RBPJ: variants seen among roughly 807,000 people sequenced by gnomAD.
RBPJ encodes recombining binding protein suppressor of hairless.
In RBPJ, 9 loss-of-function variants were observed where a neutral mutation model predicts 67.8. The ratio of observed to expected loss-of-function variants is 0.13; its 90% confidence interval spans 0.08 to 0.23. RBPJ has a LOEUF of 0.23. RBPJ is among the 10% of genes least tolerant of loss of function. The pLI is 1.00. For synonymous variants in RBPJ, 198 were observed against 203.3 expected (o/e 0.97, Z 0.22); for missense variants, 305 against 595.6 (o/e 0.51, Z 5.08).
At chr4:26,179,433 G>A (rs1716904855) in intron 1 of RBPJ, among the ~76,000 whole-genome samples, 1 of 151,714 alleles carries the variant, frequency 6.6e-6, no homozygotes, top group African/African-American at 2.4e-5. Flanking sequence ...GCTCTGGTGG[G>A]CCCCAGAATC....
chr4:26,319,759 C>A, upstream of RBPJ: 2 of 1,013,544 alleles, frequency 2.0e-6, no homozygotes, highest in Non-Finnish European at 3.1e-6. Flanking sequence ...AATCCTGCAG[C>A]GCCTTCAACA....
chr4:26,430,163 T>G lies in RBPJ; in HGVS notation c.1044+110T>G. The G allele has an allele frequency of 7.7e-7, 1 of 1,291,082 alleles. No homozygotes were observed. The highest frequency in any genetic ancestry group is 1.1e-6 in the Non-Finnish European group (1 of 898,536). 80.0% of individuals were successfully genotyped at this position (1,291,082 alleles called of 1,614,324 possible). ...TTTGATTTTTCTCCAATCGTCTGAT[T>G]AGGGGATTTTTATATACACCATTTG... On this transcript the variant is annotated intron_variant, in intron 9 of 10. Transcript: ENST00000355476. This position sits in a 1 kb window ranked among gnomAD's most constrained non-coding sequence, Gnocchi z 4.1.
chr4:26,287,251 G>T (rs1169746724), intron 1 of RBPJ, among the ~76,000 whole-genome samples: 2 of 151,914 alleles, frequency 1.3e-5, no homozygotes, highest in Admixed American at 1.3e-4. Flanking sequence ...AGAAGAAAGA[G>T]AGAAAAGATT....
Position 26,431,260 on chromosome 4 carries a change from G to A in RBPJ, c.*253G>A, listed in dbSNP as rs541259594. 1 of 353,698 alleles carries A rather than the reference G, an allele frequency of 2.8e-6. No individual in the cohort carries two copies. The highest frequency in any genetic ancestry group is 4.4e-5 in the Admixed American group (1 of 22,836). The allele number at this position is 353,698 out of a possible 1,614,324, so 21.9% of individuals were successfully genotyped here. ...ATATTGGAAATCAAGTTTTTCAGCTGTTTTGTTGGTTGGTTGGTTGGTTTT... is the reference window on the plus strand; with the variant it reads ...ATATTGGAAATCAAGTTTTTCAGCTATTTTGTTGGTTGGTTGGTTGGTTTT... On this transcript the variant is annotated 3_prime_UTR_variant, in exon 11 of 11. Coordinates refer to ENST00000355476, the MANE Select transcript of RBPJ (RefSeq NM_015874.6).
At chr4:26,382,000 T>G (rs1730375942) in intron 1 of RBPJ, among the ~76,000 whole-genome samples, 1 of 152,150 alleles carries the variant, frequency 6.6e-6, no homozygotes, top group African/African-American at 2.4e-5. Context: ...ATTAACTCAT[T>G]TCATGGAGTT....
At chr4:26,403,663 G>A (rs966824250) in intron 2 of RBPJ, among the ~76,000 whole-genome samples, 1 of 152,028 alleles carries the variant, frequency 6.6e-6, no homozygotes, top group Admixed American at 6.6e-5. Flanking sequence ...GCGTTAGTTT[G>A]CTAAGGAAGA....
At chr4:26,375,367 C>T (rs1303390491) in intron 1 of RBPJ, among the ~76,000 whole-genome samples, 2 of 151,974 alleles carry the variant, frequency 1.3e-5, no homozygotes, top group African/African-American at 4.8e-5. Flanking sequence ...AATGCCTGCC[C>T]TCCAGTAGCT....
chr4:26,227,177 T>A lies in RBPJ; in HGVS notation c.-167+63563T>A, dbSNP rs892221570. ...TGGCAGCCATGTAATTTGATTTGAATCCTTTCCGGTATCCTTTGCCATTGC... is the reference window on the plus strand; with the variant it reads ...TGGCAGCCATGTAATTTGATTTGAAACCTTTCCGGTATCCTTTGCCATTGC... On this transcript the variant is annotated intron_variant, in intron 1 of 4. Transcript: ENST00000512351. 1.3e-5 allele frequency among the ~76,000 whole-genome samples: 2 copies of A among 152,320 alleles called. 1 individual carries two copies. The highest frequency in any genetic ancestry group is 4.1e-4 in the South Asian group (2 of 4,832).
chr4:26,393,350 T>C (rs1207022686), intron 2 of RBPJ, among the ~76,000 whole-genome samples: 1 of 152,110 alleles, frequency 6.6e-6, no homozygotes, highest in East Asian at 1.9e-4. Flanking sequence ...CCTTTGATAA[T>C]ATAATTTTAG....
At chr4:26,290,228 A>G (rs1256458678) in intron 1 of RBPJ, among the ~76,000 whole-genome samples, 2 of 147,970 alleles carry the variant, frequency 1.4e-5, no homozygotes, top group East Asian at 4.1e-4. Context: ...AGTCCTAGCT[A>G]CTTGGAAGAC....
intron 1 of RBPJ, among the ~76,000 whole-genome samples, chr4:26,178,663 T>G (rs1433226935): frequency 6.7e-6 from 1 of 148,206 alleles, no homozygotes; most frequent in Non-Finnish European, 1.5e-5. Context: ...CAGGCCAGAC[T>G]GCATGGGGCA....
At chr4:26,227,271 G>T (rs1387845758) in intron 1 of RBPJ, among the ~76,000 whole-genome samples, 1 of 152,164 alleles carries the variant, frequency 6.6e-6, no homozygotes, top group Admixed American at 6.5e-5. Context: ...GTGGTTAAGT[G>T]GACTCTGGAG....
upstream of RBPJ, chr4:26,319,896 G>C: frequency 6.3e-7 from 1 of 1,585,092 alleles, no homozygotes; most frequent in South Asian, 1.1e-5. Flanking sequence ...CAGGTAGGAG[G>C]AGGGGGCGGG....
chr4:26,286,752 C>T (rs1721480014), intron 1 of RBPJ, among the ~76,000 whole-genome samples: 1 of 149,642 alleles, frequency 6.7e-6, no homozygotes, highest in Non-Finnish European at 1.5e-5. Context: ...GAGGGGCACC[C>T]TTTCTTTTGT....
chr4:26,324,617 C>T (rs1289957628), intron 1 of RBPJ, among the ~76,000 whole-genome samples: 2 of 152,142 alleles, frequency 1.3e-5, no homozygotes, highest in South Asian at 2.1e-4. Context: ...GCAACCTCCA[C>T]CTCCTGGGTT....
intron 1 of RBPJ, among the ~76,000 whole-genome samples, chr4:26,358,732 A>G (rs1038433395): frequency 6.6e-6 from 1 of 151,822 alleles, no homozygotes; most frequent in African/African-American, 2.4e-5. Context: ...GCAGTGAGCC[A>G]TAATTGTGCC....
intron 1 of RBPJ, among the ~76,000 whole-genome samples, chr4:26,299,168 A>G (rs530362836): frequency 1.3e-5 from 2 of 152,340 alleles, no homozygotes; most frequent in East Asian, 3.9e-4. Context: ...AACCAATCAC[A>G]TTTCAAAATG....
chr4:26,255,712 C>G (rs560102261), intron 1 of RBPJ, among the ~76,000 whole-genome samples: 108 of 145,834 alleles, frequency 7.4e-4, no homozygotes, highest in South Asian at 5.2e-3. Flanking sequence ...TGAGGCAGGA[C>G]AATGGCGTGA....
the RBPJ span, among the ~76,000 whole-genome samples, chr4:26,114,872 C>T: frequency 1.3e-5 from 2 of 152,136 alleles, no homozygotes; most frequent in East Asian, 3.8e-4. Flanking sequence ...ATTAAACAGT[C>T]ATTATTTAAA....
Sources: gnomAD v4.1 joint callset for allele counts (sites outside exome capture counted in the v4.1 genomes callset) on GRCh38, gnomAD v4.1.1 for gene constraint, Gnocchi (gnomAD v3.1) non-coding constraint, MANE v1.5 for transcripts, NCBI Gene and HGNC (gene_info 2026-07-23, HGNC 2026-07-21) for gene names.